NOTCH2: variants seen among roughly 807,000 people sequenced by gnomAD.
NOTCH2 encodes notch receptor 2, also known as neurogenic locus notch homolog protein 2.
In NOTCH2, 29 loss-of-function variants were observed where a neutral mutation model predicts 235.8. The ratio of observed to expected loss-of-function variants is 0.12; its 90% CI spans 0.09 to 0.17. NOTCH2 has a LOEUF of 0.17. Among genes scored for constraint, NOTCH2 ranks in the 10% least tolerant of loss-of-function variants. The pLI, the probability that NOTCH2 is intolerant of heterozygous loss-of-function variation, is 1.00. For missense variants in NOTCH2, 2,285 were observed against 3,150.2 expected, an observed-to-expected ratio of 0.73 and a Z score of 6.57; for synonymous variants, 1,086 against 1,141.5, an observed-to-expected ratio of 0.95 and a Z score of 0.98.
chr1:119,941,603 G>C lies in NOTCH2; in HGVS notation c.2904C>G (p.Val968=). The C allele has an allele frequency of 3.1e-6, 5 of 1,614,118 alleles. No individual in the cohort carries two copies. Among genetic ancestry groups the C allele is most frequent in the Non-Finnish European group, 4.2e-6 (5 of 1,180,020 alleles). ...CCTGGCACTTGCAAGTGTAACTGTTGACGTAGTCAGAGCAGGTCCCTCCAT... is the reference window on the plus strand; with the variant it reads ...CCTGGCACTTGCAAGTGTAACTGTTCACGTAGTCAGAGCAGGTCCCTCCAT... ...CKNGGTCSDY[V]NSYTCKCQAG... Residue 968 remains valine, a synonymous_variant, in exon 18 of 34, where the codon GTC becomes GTG. Transcript: ENST00000256646.
rs1372240052 is a variant in NOTCH2, at chr1:119,913,808, G to A, written c.*1498C>T. 4.3e-6 allele frequency: 1 copy of A among 233,026 alleles called. No homozygotes were observed. The highest frequency in any genetic ancestry group is 8.5e-6 in the Non-Finnish European group (1 of 117,966). 14.4% of individuals were successfully genotyped at this position (233,026 alleles called of 1,614,324 possible). On this transcript the variant is annotated 3_prime_UTR_variant, in exon 34 of 34. Transcript: ENST00000256646. ...CAAAGGGAATGTCATGGCCGCTTCA[G>A]AGGAAAAGAAATGGTAGCAGAAAAT...
chr1:119,938,287 T>A (rs1649935289), intron 19 of NOTCH2, among the ~76,000 whole-genome samples: 1 of 152,014 alleles, frequency 6.6e-6, no homozygotes, highest in African/African-American at 2.4e-5. Context: ...TTTACCACAG[T>A]CTAATTGATA....
rs116923470 is a variant in NOTCH2 at position 119,946,626 on chromosome 1, T to C, written c.2752+1788A>G. ...CCAAAAAATCAACATTCATTCATTA[T>C]AAAAATACAAAAAGACCTCTTAAAA... On this transcript the variant is annotated intron_variant, in intron 17 of 33. Transcript: ENST00000256646. 6.2e-4 allele frequency among the ~76,000 whole-genome samples: 95 copies of C among 152,162 alleles called. 1 individual carries two copies. The East Asian group carries it at 0.015, about 25-fold the overall frequency.
chr1:119,967,104 A>G (rs1312851668), intron 8 of NOTCH2, among the ~76,000 whole-genome samples: 1 of 152,234 alleles, frequency 6.6e-6, no homozygotes, highest in Non-Finnish European at 1.5e-5. Context: ...ATGGTATGGT[A>G]TTTGTAATTA....
At chr1:119,952,450 G>A (rs1161811640) in intron 14 of NOTCH2, among the ~76,000 whole-genome samples, 1 of 152,026 alleles carries the variant, frequency 6.6e-6, no homozygotes, top group East Asian at 1.9e-4. Context: ...CCCTGAGCTT[G>A]TTTTCCTGCC....
intron 14 of NOTCH2, among the ~76,000 whole-genome samples, chr1:119,951,555 C>G (rs1368347120): frequency 6.6e-6 from 1 of 152,204 alleles, no homozygotes; most frequent in Admixed American, 6.5e-5. Context: ...CTGGTTTATG[C>G]CCATTTTTTC....
At chr1:120,023,026 C>T (rs1342976969) in intron 2 of NOTCH2, among the ~76,000 whole-genome samples, 1 of 150,584 alleles carries the variant, frequency 6.6e-6, no homozygotes, top group Admixed American at 6.6e-5. Flanking sequence ...TGTTAAACTA[C>T]TTGAGAACAG....
intron 3 of NOTCH2, 144 bp downstream of exon 3, chr1:120,005,185 T>C: frequency 5.2e-6 from 5 of 952,826 alleles, no homozygotes; most frequent in South Asian, 1.4e-5. Context: ...GATAGTTGTC[T>C]GGAACATCCC....
At chr1:120,011,021 C>T (rs587770407) in intron 2 of NOTCH2, among the ~76,000 whole-genome samples, 7 of 152,264 alleles carry the variant, frequency 4.6e-5, no homozygotes, top group African/African-American at 1.4e-4. Flanking sequence ...ACACAAAAGG[C>T]CACATATTAT....
At chr1:120,033,857 T>C (rs1381969255) in intron 1 of NOTCH2, among the ~76,000 whole-genome samples, 1 of 152,148 alleles carries the variant, frequency 6.6e-6, no homozygotes, top group Non-Finnish European at 1.5e-5. Flanking sequence ...TACATTGTAT[T>C]AGCAAATTAT....
chr1:119,986,154 T>C (rs918292609), intron 5 of NOTCH2, among the ~76,000 whole-genome samples: 4 of 152,240 alleles, frequency 2.6e-5, no homozygotes, highest in Non-Finnish European at 4.4e-5. Flanking sequence ...ACTGGTACTG[T>C]AATTTTTTCT....
At chr1:119,960,033 G>A (rs1472192903) in intron 11 of NOTCH2, among the ~76,000 whole-genome samples, 2 of 152,200 alleles carry the variant, frequency 1.3e-5, no homozygotes, top group East Asian at 3.9e-4. Context: ...TCCAGGAAGA[G>A]CTATAATGCT....
rs587656388 is a variant in NOTCH2 at position 120,069,503 on chromosome 1, C to G, written c.-97G>C. 177 of 1,460,756 alleles carry G rather than the reference C, an allele frequency of 1.2e-4. 2 individuals carry two copies. The East Asian group carries it at 4.4e-3, about 36-fold the overall frequency. 90.5% of individuals were successfully genotyped at this position (1,460,756 alleles called of 1,614,324 possible). ...TAGAGGAGCCCCACTCTCTCCTCCC[C>G]TCCTCCTGCTTCAAAGGCTCAGGCC... On this transcript the variant is annotated 5_prime_UTR_variant, in exon 1 of 34. Coordinates refer to ENST00000256646, the MANE Select transcript of NOTCH2 (RefSeq NM_024408.4).
chr1:119,986,461 T>C (rs1328629123), intron 5 of NOTCH2, among the ~76,000 whole-genome samples: 2 of 152,160 alleles, frequency 1.3e-5, no homozygotes, highest in African/African-American at 4.8e-5. Context: ...AGGATGCGTA[T>C]CATAAAAATA....
At position 119,949,919 on chromosome 1, in the gene NOTCH2, G is replaced by A. The variant is rs587772065; in HGVS notation, c.2480-793C>T. Among the ~76,000 whole-genome samples the A allele has an allele frequency of 4.6e-5, 7 of 152,244 alleles. No individual in the cohort carries two copies. The East Asian group carries it at 1.2e-3, about 25-fold the overall frequency. ...TGTTTGTGTTTTGTTCCCTCTGAAT[G>A]AGAAAAATAGATGAAGAGGAGATAA... is the stretch of plus-strand genomic sequence containing the variant. On this transcript the variant is annotated intron_variant, in intron 15 of 33. Transcript: ENST00000256646.
At chr1:119,962,080 C>T (rs587741520) in intron 11 of NOTCH2, among the ~76,000 whole-genome samples, 24 of 152,264 alleles carry the variant, frequency 1.6e-4, no homozygotes, top group African/African-American at 5.3e-4. Flanking sequence ...TGACAGATTC[C>T]GGGCCTTCCT....
At chr1:120,063,200 C>A (rs1371283146) in intron 1 of NOTCH2, among the ~76,000 whole-genome samples, 1 of 152,046 alleles carries the variant, frequency 6.6e-6, no homozygotes, top group African/African-American at 2.4e-5. Context: ...CCCTAGATTC[C>A]TCCTTTATTT....
Position 119,911,803 on chromosome 1 carries a change from T to C in NOTCH2, c.*3503A>G, listed in dbSNP as rs1333136057. 1.3e-5 allele frequency: 3 copies of C among 233,170 alleles called. No homozygotes were observed. Among genetic ancestry groups the C allele is most frequent in the Non-Finnish European group, 2.5e-5 (3 of 118,054 alleles). The allele number at this position is 233,170 out of a possible 1,614,324, so 14.4% of individuals were successfully genotyped here. ...AAGGCACCTTGTCCCTGAGCAACCATCTGTTTGTCACCAGCTATGGCTAGT... is the reference window on the plus strand; with the variant it reads ...AAGGCACCTTGTCCCTGAGCAACCACCTGTTTGTCACCAGCTATGGCTAGT... On this transcript the variant is annotated 3_prime_UTR_variant, in exon 34 of 34. Coordinates refer to ENST00000256646, the MANE Select transcript of NOTCH2 (RefSeq NM_024408.4).
chr1:119,997,471 C>G (rs1427694688), intron 3 of NOTCH2, 139 bp from the exon 4 acceptor site: 3 of 809,514 alleles, frequency 3.7e-6, no homozygotes, highest in Admixed American at 4.0e-5. Flanking sequence ...TAAATCAGAG[C>G]CTCCTCAAGG....
Sources: gnomAD v4.1 joint callset for allele counts (sites outside exome capture counted in the v4.1 genomes callset) on GRCh38, gnomAD v4.1.1 for gene constraint, MANE v1.5 for transcripts, NCBI Gene and HGNC (gene_info 2026-07-23, HGNC 2026-07-21) for gene names.